TRIO: variants seen among roughly 807,000 people sequenced by gnomAD.
The protein encoded by TRIO is trio Rho guanine nucleotide exchange factor.
A neutral mutation model predicts 351.9 loss-of-function variants in TRIO; 58 were observed. That is an observed-to-expected ratio of 0.16 (90% CI 0.13 to 0.21). The LOEUF is 0.21. TRIO is among the 10% of genes least tolerant of loss of function. The pLI is 1.00. For missense variants in TRIO, 3,201 were observed against 4,027.8 expected, an observed-to-expected ratio of 0.79 and a Z score of 5.56; for synonymous variants, 1,758 against 1,595.7, an observed-to-expected ratio of 1.10 and a Z score of -2.42.
chr5:14,306,130 C>T (rs1738350868), intron 8 of TRIO, among the ~76,000 whole-genome samples: 1 of 147,140 alleles, frequency 6.8e-6, no homozygotes, highest in Non-Finnish European at 1.5e-5. Flanking sequence ...TGTATATTTG[C>T]TTCAGAATGT....
At chr5:14,404,722 C>A (rs994185639) in intron 31 of TRIO, among the ~76,000 whole-genome samples, 1 of 152,142 alleles carries the variant, frequency 6.6e-6, no homozygotes, top group African/African-American at 2.4e-5. Flanking sequence ...TATGTCACTC[C>A]GGAGAAGAGG....
intron 1 of TRIO, among the ~76,000 whole-genome samples, chr5:14,184,714 A>T (rs776906222): frequency 1.1e-4 from 17 of 152,186 alleles, no homozygotes; most frequent in Non-Finnish European, 2.2e-4. Context: ...TCCAGTACAT[A>T]GCCTATGTAG....
chr5:14,206,482 G>T (rs565726567), intron 1 of TRIO, among the ~76,000 whole-genome samples: 2 of 152,242 alleles, frequency 1.3e-5, no homozygotes, highest in South Asian at 4.1e-4. Flanking sequence ...CTTGTGGTCA[G>T]ATTCTCCGGA....
In TRIO at chr5:14,496,914, G is replaced by C. The variant is rs377442700; in HGVS notation, c.7916G>C (p.Arg2639Thr). The C allele has an allele frequency of 3.7e-6, 6 of 1,614,046 alleles. No homozygotes were observed. The highest frequency in any genetic ancestry group is 5.1e-6 in the Non-Finnish European group (6 of 1,180,044). ...STSWHTALRLRKKSEKKDKDG... is the reference protein window; with the variant it reads ...STSWHTALRLTKKSEKKDKDG... ...TCTTGGCACACAGCACTCCGTTTAA[G>C]GAAAAAATCTGAGAAAAAAGATAAA... The change falls in exon 50 of 57, where the codon AGG becomes ACG. Residue 2639 changes from arginine to threonine, a missense_variant. Physicochemically the swap from Arg to Thr is moderately conservative, Grantham distance 71 (BLOSUM62 -1). This residue lies in a region of TRIO where 1,089 missense variants were observed against 954.9 expected (regional missense o/e 1.14). Transcript: ENST00000344204.
chr5:14,190,613 A>G (rs1397177847), intron 1 of TRIO, among the ~76,000 whole-genome samples: 4 of 152,102 alleles, frequency 2.6e-5, no homozygotes, highest in Admixed American at 2.0e-4. Flanking sequence ...GGCTCATGAA[A>G]TGTCTGTATA....
At chr5:14,494,609 A>G (rs1756738851) in intron 49 of TRIO, among the ~76,000 whole-genome samples, 1 of 152,232 alleles carries the variant, frequency 6.6e-6, no homozygotes, top group Admixed American at 6.5e-5. Flanking sequence ...TTTAAGAAAT[A>G]CATTTTGGGC....
At chr5:14,489,190 G>T in intron 48 of TRIO, 1 of 585,496 alleles carries the variant, frequency 1.7e-6, no homozygotes, top group Non-Finnish European at 3.0e-6. Flanking sequence ...GCTTTTGCAT[G>T]TCTTTCTCTT....
chr5:14,173,205 T>C (rs1470181394), intron 1 of TRIO, among the ~76,000 whole-genome samples: 1 of 149,798 alleles, frequency 6.7e-6, no homozygotes, highest in Non-Finnish European at 1.5e-5. Context: ...TTTTTTTTTT[T>C]TTTTTTTTTT....
chr5:14,479,390 T>A, intron 42 of TRIO, 40 bp downstream of exon 42: 1 of 1,534,660 alleles, frequency 6.5e-7, no homozygotes, highest in Non-Finnish European at 8.9e-7. Flanking sequence ...TTCTGAATCT[T>A]TTGTTCCAAC....
At chr5:14,506,168 T>C (rs1757666603) in intron 55 of TRIO, among the ~76,000 whole-genome samples, 1 of 152,190 alleles carries the variant, frequency 6.6e-6, no homozygotes, top group Non-Finnish European at 1.5e-5. Flanking sequence ...TTAACAAAAC[T>C]GTGGCTTGAG....
chr5:14,463,857 T>C (rs1400819121), intron 36 of TRIO, among the ~76,000 whole-genome samples: 2 of 152,202 alleles, frequency 1.3e-5, no homozygotes, highest in Non-Finnish European at 2.9e-5. Context: ...GCTTAGCAGC[T>C]GTGAGGCCAA....
At chr5:14,359,219 C>A in intron 12 of TRIO, 138 bp from the exon 13 acceptor site, 2 of 980,072 alleles carry the variant, frequency 2.0e-6, no homozygotes, top group Non-Finnish European at 3.0e-6. Context: ...TGCAGGAGAG[C>A]AGCCCGTTCC....
chr5:14,308,037 C>T lies in TRIO; in HGVS notation c.1500+3445C>T, dbSNP rs146598694. ...TTGTCCTTTGAGCACTTGTTCCCAG[C>T]TCATTTTGTACTTTCCCTGCCTACC... On this transcript the variant is annotated intron_variant, in intron 8 of 56. Coordinates refer to ENST00000344204, the MANE Select transcript of TRIO (RefSeq NM_007118.4). 1.8e-4 allele frequency among the ~76,000 whole-genome samples: 27 copies of T among 152,214 alleles called. No homozygotes were observed. In the East Asian group the frequency reaches 5.2e-3, roughly 29 times the overall value.
chr5:14,453,982 T>C lies in TRIO; in HGVS notation c.5204-7037T>C, dbSNP rs116130680. On this transcript the variant is annotated intron_variant, in intron 34 of 56. Transcript: ENST00000344204. ...AGGGTCTCACTCACCCAGACTGGAG[T>C]GCGGTGGCACAATTCTGGCTCACTG... 1.1e-3 allele frequency among the ~76,000 whole-genome samples: 174 copies of C among 151,634 alleles called. 1 individual carries two copies. Among genetic ancestry groups the C allele is most frequent in the African/African-American group, 3.8e-3 (159 of 41,322 alleles).
At chr5:14,237,563 T>C (rs1793855268) in intron 1 of TRIO, among the ~76,000 whole-genome samples, 1 of 152,226 alleles carries the variant, frequency 6.6e-6, no homozygotes, top group African/African-American at 2.4e-5. Flanking sequence ...TGGGCACATG[T>C]GTCGTGCGCA....
At chr5:14,347,938 A>G (rs369807973) in intron 11 of TRIO, among the ~76,000 whole-genome samples, 10 of 152,412 alleles carry the variant, frequency 6.6e-5, no homozygotes, top group African/African-American at 2.4e-4. Context: ...GTTTTGAATC[A>G]GTACAGAGTA....
chr5:14,470,553 A>G (rs1754609779), intron 37 of TRIO, among the ~76,000 whole-genome samples: 1 of 152,212 alleles, frequency 6.6e-6, no homozygotes, highest in African/African-American at 2.4e-5. Context: ...TGTCACATTA[A>G]TCCAAGGAGA....
intron 18 of TRIO, 82 bp downstream of exon 18, chr5:14,369,605 A>G (rs1186253063): frequency 5.4e-6 from 8 of 1,478,550 alleles, no homozygotes; most frequent in East Asian, 2.4e-5. Flanking sequence ...TCGCTTCCCA[A>G]GGGAGCCTGC....
At chr5:14,155,926 T>C (rs1788076976) in intron 1 of TRIO, among the ~76,000 whole-genome samples, 2 of 152,242 alleles carry the variant, frequency 1.3e-5, no homozygotes, top group Non-Finnish European at 2.9e-5. Flanking sequence ...CAGTTATTAA[T>C]ATGATGGTTG....
Sources: gnomAD v4.1 joint callset for allele counts (sites outside exome capture counted in the v4.1 genomes callset) on GRCh38, gnomAD v4.1.1 for gene constraint, gnomAD v4.1.1 regional missense constraint, MANE v1.5 for transcripts, NCBI Gene and HGNC (gene_info 2026-07-23, HGNC 2026-07-21) for gene names.